LEPR: variants seen among roughly 807,000 people sequenced by gnomAD.
The protein encoded by LEPR is OB receptor.
In LEPR, 56 loss-of-function variants were observed where a neutral mutation model predicts 114.7. That is an observed-to-expected ratio of 0.49 (90% confidence interval 0.39 to 0.61). LEPR has a LOEUF of 0.61. LEPR is among the 20% of genes least tolerant of loss of function. The pLI is 0.00. For synonymous variants in LEPR, 443 were observed against 461.4 expected, an observed-to-expected ratio of 0.96 and a Z score of 0.51; for missense variants, 1,202 against 1,352.9, an observed-to-expected ratio of 0.89 and a Z score of 1.75.
chr1:65,532,165 T>G (rs1021180451), intron 2 of LEPR, among the ~76,000 whole-genome samples: 4 of 152,184 alleles, frequency 2.6e-5, no homozygotes, highest in Non-Finnish European at 4.4e-5. Context: ...ACAGATAATC[T>G]TCAAATCTCA....
chr1:65,521,852 C>T (rs1649648926), intron 2 of LEPR, among the ~76,000 whole-genome samples: 1 of 152,070 alleles, frequency 6.6e-6, no homozygotes, highest in Admixed American at 6.5e-5. Flanking sequence ...GTAATCCCAG[C>T]ACTTTGGGAG....
chr1:65,449,382 A>T (rs1646752892), intron 2 of LEPR, among the ~76,000 whole-genome samples: 1 of 151,340 alleles, frequency 6.6e-6, no homozygotes, highest in South Asian at 2.1e-4. Flanking sequence ...GGCAAGGGCT[A>T]AGCCTCAGGT....
At chr1:65,613,812 G>A (rs1166551795) in intron 14 of LEPR, among the ~76,000 whole-genome samples, 3 of 139,226 alleles carry the variant, frequency 2.2e-5, no homozygotes, top group Admixed American at 2.1e-4. Flanking sequence ...CCTAGCCAAA[G>A]TAGATATACA....
At chr1:65,620,547 A>G (rs1324238666) in intron 17 of LEPR, among the ~76,000 whole-genome samples, 1 of 152,206 alleles carries the variant, frequency 6.6e-6, no homozygotes, top group Non-Finnish European at 1.5e-5. Context: ...AATAAGTGCC[A>G]TGAAGGAAAA....
intron 1 of LEPR, among the ~76,000 whole-genome samples, chr1:65,422,925 T>C (rs1325798874): frequency 1.3e-5 from 2 of 151,886 alleles, no homozygotes; most frequent in Non-Finnish European, 2.9e-5. Context: ...AGAGGATGGA[T>C]TGGAAGAGTC....
chr1:65,490,197 A>G (rs1006477704), intron 2 of LEPR, among the ~76,000 whole-genome samples: 3 of 152,082 alleles, frequency 2.0e-5, no homozygotes, highest in African/African-American at 7.2e-5. Context: ...AATATCCAAT[A>G]GGTCATCGCT....
chr1:65,552,588 G>C (rs935427444), intron 2 of LEPR, among the ~76,000 whole-genome samples: 1 of 151,532 alleles, frequency 6.6e-6, no homozygotes, highest in African/African-American at 2.4e-5. Context: ...CCTTTATTTT[G>C]AGCCTATGTG....
intron 14 of LEPR, 40 bp downstream of exon 14, chr1:65,610,336 A>G: frequency 4.6e-6 from 7 of 1,509,412 alleles, no homozygotes; most frequent in Non-Finnish European, 6.4e-6. Context: ...TTGTATTTTT[A>G]TACTCTTAAA....
At chr1:65,462,958 T>C (rs1222190857) in intron 2 of LEPR, among the ~76,000 whole-genome samples, 1 of 152,232 alleles carries the variant, frequency 6.6e-6, no homozygotes. Flanking sequence ...CTGTTCACTC[T>C]GATGATAGTT....
At chr1:65,525,487 C>A in intron 2 of LEPR, 1 of 296,388 alleles carries the variant, frequency 3.4e-6, no homozygotes, top group Non-Finnish European at 5.0e-6. Context: ...CGGCATTCCC[C>A]GCCGCCGCCC....
At chr1:65,438,108 G>A (rs1570448665) in intron 2 of LEPR, among the ~76,000 whole-genome samples, 1 of 125,752 alleles carries the variant, frequency 8.0e-6, no homozygotes, top group East Asian at 2.1e-4. Context: ...ATGGCTCCTA[G>A]CCGCCTTTTT....
At chr1:65,608,977 AT>A in intron 12 of LEPR, 76 bp downstream of exon 12, 1 of 1,557,834 alleles carries the variant, frequency 6.4e-7, no homozygotes, top group African/African-American at 1.4e-5. Context: ...ATTGCATTAG[AT>A]TAATTTTATT....
In LEPR at chr1:65,638,195, C is replaced by A. The variant is rs1005146868; in HGVS notation, c.*1180C>A. The A allele has an allele frequency of 1.5e-4, 23 of 152,036 alleles. No individual in the cohort carries two copies. The highest frequency in any genetic ancestry group is 5.5e-4 in the African/African-American group (23 of 41,442). The allele number at this position is 152,036 out of a possible 1,614,324, so 9.4% of individuals were successfully genotyped here. A position where few individuals can be genotyped will look rare whatever the true frequency, so the allele number is the denominator to read the frequency against. On this transcript the variant is annotated 3_prime_UTR_variant, in exon 20 of 20. Transcript: ENST00000349533. ...TGAGGCCTCGTCTCTACAAAAAACA[C>A]AAAAATTAGCTGAGTGTGACAGAAA...
chr1:65,625,404 A>T (rs1658138986), intron 19 of LEPR, among the ~76,000 whole-genome samples: 1 of 152,202 alleles, frequency 6.6e-6, no homozygotes, highest in Non-Finnish European at 1.5e-5. Flanking sequence ...TGGCATTATA[A>T]GGATAAGAAA....
chr1:65,515,004 G>A (rs914674763), intron 2 of LEPR, among the ~76,000 whole-genome samples: 1 of 152,118 alleles, frequency 6.6e-6, no homozygotes, highest in African/African-American at 2.4e-5. Flanking sequence ...ATTTATAAAC[G>A]ATCATAGACC....
chr1:65,633,104 G>A lies in LEPR; in HGVS notation c.2674-3087G>A, dbSNP rs538751915. 1 of 1,258,720 alleles carries A rather than the reference G, an allele frequency of 7.9e-7. No individual in the cohort carries two copies. The highest frequency in any genetic ancestry group is 2.3e-5 in the East Asian group (1 of 42,956). The allele number at this position is 1,258,720 out of a possible 1,614,324, so 78.0% of individuals were successfully genotyped here. ...AAATCTTTTATCTTTTTCTTTGTGAGTGATTTTTTATTTTGCTTTCTTATT... is the reference window on the plus strand; with the variant it reads ...AAATCTTTTATCTTTTTCTTTGTGAATGATTTTTTATTTTGCTTTCTTATT... On this transcript the variant is annotated intron_variant, in intron 19 of 19. Coordinates refer to ENST00000349533, the MANE Select transcript of LEPR (RefSeq NM_002303.6). The surrounding 1 kb of genome is among the most constrained non-coding windows in gnomAD (Gnocchi z 4.1).
chr1:65,468,197 T>C (rs1023000320), intron 2 of LEPR, among the ~76,000 whole-genome samples: 2 of 152,176 alleles, frequency 1.3e-5, no homozygotes, highest in African/African-American at 4.8e-5. Context: ...TAGAAACTCT[T>C]ACAGCCAAGA....
chr1:65,456,237 C>T (rs145476430), intron 2 of LEPR, among the ~76,000 whole-genome samples: 12 of 151,974 alleles, frequency 7.9e-5, no homozygotes, highest in Admixed American at 2.6e-4. Flanking sequence ...AGAAATCACC[C>T]GTCTTCTGCG....
intron 2 of LEPR, among the ~76,000 whole-genome samples, chr1:65,482,240 C>T (rs1030252127): frequency 1.3e-5 from 2 of 151,746 alleles, no homozygotes; most frequent in African/African-American, 4.8e-5. Context: ...GAAGATATAT[C>T]ATATGTATGA....
Sources: gnomAD v4.1 joint callset for allele counts (sites outside exome capture counted in the v4.1 genomes callset) on GRCh38, gnomAD v4.1.1 for gene constraint, Gnocchi (gnomAD v3.1) non-coding constraint, MANE v1.5 for transcripts, NCBI Gene and HGNC (gene_info 2026-07-23, HGNC 2026-07-21) for gene names.